The following SH3TC2 variants were observed in gnomAD, a reference collection of about 807,000 sequenced individuals.
The protein encoded by SH3TC2 is SH3 domain and tetratricopeptide repeats 2.
A neutral mutation model predicts 124.5 loss-of-function variants in SH3TC2; 87 were observed. That is an observed-to-expected ratio of 0.70 (90% CI 0.59 to 0.84). The LOEUF is 0.84. Among genes scored for constraint, SH3TC2 ranks in the 40% least tolerant of loss-of-function variants. The pLI, the probability that SH3TC2 is intolerant of heterozygous loss-of-function variation, is 0.00. For missense variants in SH3TC2, 1,536 were observed against 1,566.4 expected (o/e 0.98, Z 0.33); for synonymous variants, 634 against 628.5 (o/e 1.01, Z -0.13).
At position 148,992,940 on chromosome 5, in the gene SH3TC2, T is replaced by A. The variant is rs1753445594; in HGVS notation, c.*11771A>T. Among the ~76,000 whole-genome samples, 1 of 152,218 alleles carries A rather than the reference T, an allele frequency of 6.6e-6. No individual in the cohort carries two copies. The highest frequency in any genetic ancestry group is 2.4e-5 in the African/African-American group (1 of 41,450). On this transcript the variant is annotated 3_prime_UTR_variant, in exon 17 of 17. Coordinates refer to ENST00000515425, the MANE Select transcript of SH3TC2 (RefSeq NM_024577.4). The stretch of plus-strand genomic sequence containing the variant: ...TTGACTTTAACTTTGGTCCTCTGTA[T>A]CTCATCATTTCCTTGAAGTTTGTAT...
chr5:149,013,911 A>G (rs1753826591), intron 12 of SH3TC2, among the ~76,000 whole-genome samples: 2 of 152,206 alleles, frequency 1.3e-5, no homozygotes, highest in Non-Finnish European at 2.9e-5. Context: ...CCTGAGCACC[A>G]GGGTCTCGGA....
chr5:149,023,460 A>G (rs1754009659), intron 12 of SH3TC2, among the ~76,000 whole-genome samples: 1 of 152,164 alleles, frequency 6.6e-6, no homozygotes, highest in Non-Finnish European at 1.5e-5. Context: ...TTTAAAATGC[A>G]TGAAATATTC....
In SH3TC2 at chr5:148,984,526, GAAA is replaced by G. The variant is rs1160745773; in HGVS notation, c.*20182_*20184del. On this transcript the variant is annotated 3_prime_UTR_variant, in exon 17 of 17. Coordinates refer to ENST00000515425, the MANE Select transcript of SH3TC2 (RefSeq NM_024577.4). ...CATGAGGAAGGTATGCAGGAAGAGG[GAAA>G]AGGTGAAAATTGAGCATTCCTTGAC... is the stretch of plus-strand genomic sequence containing the variant. Among the ~76,000 whole-genome samples the G allele has an allele frequency of 6.6e-6, 1 of 152,144 alleles. No individual in the cohort carries two copies. Among genetic ancestry groups the G allele is most frequent in the Non-Finnish European group, 1.5e-5 (1 of 68,036 alleles).
intron 2 of SH3TC2, 27 bp downstream of exon 2, chr5:149,052,115 T>G (rs1457737800): frequency 6.8e-7 from 1 of 1,472,504 alleles, no homozygotes; most frequent in East Asian, 2.3e-5. Flanking sequence ...CATGGAAGAA[T>G]AGGGCTTGTC....
At chr5:149,041,073 T>A (rs9325129) in intron 6 of SH3TC2, among the ~76,000 whole-genome samples, 119 of 152,272 alleles carry the variant, frequency 7.8e-4, no homozygotes, top group African/African-American at 2.7e-3. Context: ...GGAAGTTTAT[T>A]TAAAATGAAG....
rs562598939 is a variant in SH3TC2 at position 148,989,739 on chromosome 5, G to A, written c.*14972C>T. Reference sequence around the variant, plus strand: ...GGAACCACTCATTCAAGGGGATCTGGAGAGTGACCCAGGATAGAGTGAGTC... The same window carrying A: ...GGAACCACTCATTCAAGGGGATCTGAAGAGTGACCCAGGATAGAGTGAGTC... On this transcript the variant is annotated 3_prime_UTR_variant, in exon 17 of 17. Transcript: ENST00000515425. 6.6e-6 allele frequency among the ~76,000 whole-genome samples: 1 copy of A among 152,188 alleles called. No individual in the cohort carries two copies. Among genetic ancestry groups the A allele is most frequent in the Non-Finnish European group, 1.5e-5 (1 of 68,032 alleles).
rs1421196961 is a variant in SH3TC2, at chr5:148,992,979, C to G, written c.*11732G>C. 6.6e-6 allele frequency among the ~76,000 whole-genome samples: 1 copy of G among 152,228 alleles called. No individual in the cohort carries two copies. The highest frequency in any genetic ancestry group is 2.4e-5 in the African/African-American group (1 of 41,532). ...TGAAGTTTGTATCATTGATAGTTAC[C>G]TCTGATCTGCCACTCTGCCCATCTT... On this transcript the variant is annotated 3_prime_UTR_variant, in exon 17 of 17. Transcript: ENST00000515425.
Position 149,003,875 on chromosome 5 carries a change from A to T in SH3TC2, c.*836T>A, listed in dbSNP as rs1753637643. On this transcript the variant is annotated 3_prime_UTR_variant, in exon 17 of 17. Coordinates refer to ENST00000515425, the MANE Select transcript of SH3TC2 (RefSeq NM_024577.4). Reference sequence around the variant, plus strand: ...AAAAAAAAAAAAAAAAAAAAAAGACATGTATTGGTATTCTCTCCCATCCAT... The same window carrying T: ...AAAAAAAAAAAAAAAAAAAAAAGACTTGTATTGGTATTCTCTCCCATCCAT... 1 of 372,714 alleles carries T rather than the reference A, an allele frequency of 2.7e-6. No individual in the cohort carries two copies. Among genetic ancestry groups the T allele is most frequent in the Non-Finnish European group, 5.3e-6 (1 of 188,828 alleles). The allele number at this position is 372,714 out of a possible 1,614,324, so 23.1% of individuals were successfully genotyped here. A position where few individuals can be genotyped will look rare whatever the true frequency, so the allele number is the denominator to read the frequency against.
In SH3TC2 at chr5:148,992,124, T is replaced by C. The variant is rs1753428727; in HGVS notation, c.*12587A>G. ...TCACTAGGTAATAAGAGGTAACAAT[T>C]GAACATTTAGCTGTTTCATCCAACA... On this transcript the variant is annotated 3_prime_UTR_variant, in exon 17 of 17. Transcript: ENST00000515425. 6.6e-6 allele frequency among the ~76,000 whole-genome samples: 1 copy of C among 152,234 alleles called. No homozygotes were observed. Among genetic ancestry groups the C allele is most frequent in the Non-Finnish European group, 1.5e-5 (1 of 68,036 alleles).
chr5:149,006,749 A>T, intron 16 of SH3TC2, 132 bp downstream of exon 16: 4 of 932,838 alleles, frequency 4.3e-6, no homozygotes, highest in Non-Finnish European at 5.3e-6. Context: ...TCCTCACCCT[A>T]TGAGACAAGA....
intron 13 of SH3TC2, among the ~76,000 whole-genome samples, chr5:149,010,609 G>A (rs1302991814): frequency 6.6e-6 from 1 of 152,000 alleles, no homozygotes; most frequent in African/African-American, 2.4e-5. Flanking sequence ...TGCTTTTGGT[G>A]GTGCTAGATT....
intron 12 of SH3TC2, 190 bp downstream of exon 12, chr5:149,026,382 T>A: frequency 1.6e-6 from 1 of 644,130 alleles, no homozygotes; most frequent in Non-Finnish European, 2.7e-6. Flanking sequence ...CATGGAGAAA[T>A]TAAATAGCTT....
chr5:149,018,521 A>C (rs908532572), intron 12 of SH3TC2, among the ~76,000 whole-genome samples: 1 of 152,188 alleles, frequency 6.6e-6, no homozygotes, highest in African/African-American at 2.4e-5. Flanking sequence ...AGGAGAGCCA[A>C]GCAAAAAGGG....
chr5:149,005,472 G>A (rs1025734394), intron 16 of SH3TC2, among the ~76,000 whole-genome samples: 5 of 152,234 alleles, frequency 3.3e-5, no homozygotes, highest in East Asian at 1.9e-4. Context: ...CTTTGAGCCA[G>A]TAAGTTGCCT....
Position 149,026,848 on chromosome 5 carries a change from G to A in SH3TC2, c.2872+12C>T. ...TTCTCTATAGCTTCCCAGCAGCATG[G>A]GACATACTTACTCTTTAGATGTCGA... On this transcript the variant is annotated intron_variant, in intron 11 of 16. Transcript: ENST00000515425. 1 of 1,614,168 alleles carries A rather than the reference G, an allele frequency of 6.2e-7. No homozygotes were observed. Among genetic ancestry groups the A allele is most frequent in the Non-Finnish European group, 8.5e-7 (1 of 1,180,034 alleles).
rs116943689 is a variant in SH3TC2 at position 149,008,459 on chromosome 5, A to G, written c.3478+392T>C. 8.7e-5 allele frequency: 22 copies of G among 254,136 alleles called. No homozygotes were observed. In the East Asian group the frequency reaches 1.9e-3, roughly 22 times the overall value. 15.7% of individuals were successfully genotyped at this position (254,136 alleles called of 1,614,324 possible). On this transcript the variant is annotated intron_variant, in intron 15 of 16. Coordinates refer to ENST00000515425, the MANE Select transcript of SH3TC2 (RefSeq NM_024577.4). ...AAATTCAGGGCACAGTCCTTTTGCAATGGGAACATAGCTTATGAAGAGAAT... is the reference window on the plus strand; with the variant it reads ...AAATTCAGGGCACAGTCCTTTTGCAGTGGGAACATAGCTTATGAAGAGAAT...
intron 4 of SH3TC2, 166 bp downstream of exon 4, chr5:149,044,367 T>C: frequency 1.6e-6 from 1 of 614,800 alleles, no homozygotes; most frequent in Non-Finnish European, 2.9e-6. Flanking sequence ...AATATTTGCC[T>C]TAGATTTAGT....
intron 8 of SH3TC2, among the ~76,000 whole-genome samples, chr5:149,036,387 C>G (rs1315987656): frequency 1.3e-5 from 2 of 152,262 alleles, no homozygotes; most frequent in East Asian, 3.9e-4. Context: ...TCCCCCGCAG[C>G]TTGTTTCTTC....
chr5:149,021,294 G>A (rs1753964505), intron 12 of SH3TC2, among the ~76,000 whole-genome samples: 1 of 152,048 alleles, frequency 6.6e-6, no homozygotes, highest in African/African-American at 2.4e-5. Flanking sequence ...AATACTCAGA[G>A]GAACATTTAT....
Sources: gnomAD v4.1 joint callset for allele counts (sites outside exome capture counted in the v4.1 genomes callset) on GRCh38, gnomAD v4.1.1 for gene constraint, MANE v1.5 for transcripts, NCBI Gene and HGNC (gene_info 2026-07-23, HGNC 2026-07-21) for gene names.